CPED1: variants seen among roughly 807,000 people sequenced by gnomAD.
The protein encoded by CPED1 is cadherin-like and PC-esterase domain-containing protein 1.
Under a neutral mutation model 128.2 loss-of-function variants are expected in CPED1, and 114 were observed. The ratio of observed to expected loss-of-function variants is 0.89; its 90% CI spans 0.76 to 1.04. The LOEUF is 1.04. CPED1 is among the 50% of genes least tolerant of loss of function. The pLI, the probability that CPED1 is intolerant of heterozygous loss-of-function variation, is 0.00. For synonymous variants in CPED1, 462 were observed against 426.7 expected (o/e 1.08, Z -1.02); for missense variants, 1,211 against 1,207.1 (o/e 1.00, Z -0.05).
At chr7:121,140,014 A>G (rs768649198) in intron 14 of CPED1, among the ~76,000 whole-genome samples, 10 of 152,074 alleles carry the variant, frequency 6.6e-5, no homozygotes, top group Non-Finnish European at 1.5e-4. Context: ...CACTTTGTTA[A>G]GCTTTTGGGT....
At chr7:121,034,237 G>GTTT (rs750813721) in intron 3 of CPED1, among the ~76,000 whole-genome samples, 3 of 122,338 alleles carry the variant, frequency 2.5e-5, no homozygotes, top group Non-Finnish European at 5.0e-5. Flanking sequence ...CAGACATCAA[G>GTTT]TTTTTTTTTC....
intron 3 of CPED1, among the ~76,000 whole-genome samples, chr7:121,027,273 G>T (rs1461835134): frequency 2.4e-4 from 37 of 151,864 alleles, no homozygotes; most frequent in Admixed American, 2.4e-3. Context: ...GGTATGATTT[G>T]TGTCATACTT....
intron 22 of CPED1, among the ~76,000 whole-genome samples, chr7:121,274,451 G>C (rs1050266197): frequency 2.0e-5 from 3 of 152,016 alleles, no homozygotes; most frequent in African/African-American, 7.3e-5. Context: ...TCTGATGTAG[G>C]CTGTCTTGAT....
chr7:121,105,676 A>G (rs920557568), intron 7 of CPED1, among the ~76,000 whole-genome samples: 1 of 152,176 alleles, frequency 6.6e-6, no homozygotes, highest in African/African-American at 2.4e-5. Context: ...ATGTAATTGA[A>G]TAAACTTGTG....
chr7:121,050,680 G>A lies in CPED1; in HGVS notation c.540+3687G>A, dbSNP rs1246984858. 7.8e-6 allele frequency: 3 copies of A among 384,476 alleles called. No homozygotes were observed. In the Admixed American group the frequency reaches 9.0e-5, roughly 11 times the overall value. The allele number at this position is 384,476 out of a possible 1,614,324, so 23.8% of individuals were successfully genotyped here. A position where few individuals can be genotyped will look rare whatever the true frequency, so the allele number is the denominator to read the frequency against. On this transcript the variant is annotated intron_variant, in intron 4 of 22. Transcript: ENST00000310396. ...GGGTTTCACCATGTTGGCCAGGTTG[G>A]TCTTGAACTCCTGACCTCAGGTGAT...
intron 22 of CPED1, among the ~76,000 whole-genome samples, chr7:121,280,270 G>T (rs1243291168): frequency 6.6e-6 from 1 of 152,146 alleles, no homozygotes; most frequent in Non-Finnish European, 1.5e-5. Context: ...AGCCACTTGG[G>T]AAATTGAGTT....
At chr7:121,277,208 G>T (rs1329418824) in intron 22 of CPED1, among the ~76,000 whole-genome samples, 2 of 152,128 alleles carry the variant, frequency 1.3e-5, no homozygotes, top group Non-Finnish European at 2.9e-5. Context: ...TGATGGATTA[G>T]GGAGAGAAAC....
chr7:121,274,065 C>A (rs1792287105), intron 22 of CPED1, among the ~76,000 whole-genome samples: 1 of 152,120 alleles, frequency 6.6e-6, no homozygotes, highest in African/African-American at 2.4e-5. Context: ...GTCTTCAATT[C>A]ATATTTTTGC....
intron 5 of CPED1, among the ~76,000 whole-genome samples, chr7:121,082,730 A>G (rs1794323844): frequency 6.6e-6 from 1 of 152,186 alleles, no homozygotes; most frequent in African/African-American, 2.4e-5. Context: ...ACACAGCTGT[A>G]AAGCAGCATA....
chr7:121,190,089 T>TG (rs1797100822), intron 16 of CPED1, among the ~76,000 whole-genome samples: 1 of 151,632 alleles, frequency 6.6e-6, no homozygotes, highest in Non-Finnish European at 1.5e-5. Flanking sequence ...TAATGATAAG[T>TG]GCTCTGAAGA....
At chr7:121,192,177 T>C (rs1055787590) in intron 16 of CPED1, among the ~76,000 whole-genome samples, 1 of 152,126 alleles carries the variant, frequency 6.6e-6, no homozygotes, top group Admixed American at 6.6e-5. Context: ...GGTCATCTTA[T>C]TCTTTCACCA....
At position 121,125,326 on chromosome 7, in the gene CPED1, A is replaced by G. The variant is rs143054522; in HGVS notation, c.1062-494A>G. On this transcript the variant is annotated intron_variant, in intron 8 of 22. Coordinates refer to ENST00000310396, the MANE Select transcript of CPED1 (RefSeq NM_024913.5). ...TTATTATTTTACTTTAAGTTCTGGG[A>G]TATATGTGCAGAATGTACAGGTTTG... Among the ~76,000 whole-genome samples, 18 of 152,262 alleles carry G rather than the reference A, an allele frequency of 1.2e-4. No homozygotes were observed. In the East Asian group the frequency reaches 3.5e-3, roughly 29 times the overall value.
At position 121,144,242 on chromosome 7, in the gene CPED1, G is replaced by A. The variant is rs372838404; in HGVS notation, c.2055+2101G>A. On this transcript the variant is annotated intron_variant, in intron 16 of 22. Transcript: ENST00000310396. The stretch of plus-strand genomic sequence containing the variant: ...ATTGAAAAGCTATCTGCATTCCCAT[G>A]TTTGTTGCAGCATTATTCACAATAG... 7.2e-4 allele frequency among the ~76,000 whole-genome samples: 109 copies of A among 152,158 alleles called. No individual in the cohort carries two copies. The Middle Eastern group carries it at 0.014, about 19-fold the overall frequency.
chr7:121,248,111 G>A (rs941444711), intron 18 of CPED1, among the ~76,000 whole-genome samples: 6 of 152,144 alleles, frequency 3.9e-5, no homozygotes, highest in Non-Finnish European at 8.8e-5. Context: ...GCTGATCCTG[G>A]TGCCCAAGGC....
intron 22 of CPED1, among the ~76,000 whole-genome samples, chr7:121,280,760 G>C (rs1186215516): frequency 6.6e-6 from 1 of 152,112 alleles, no homozygotes; most frequent in Non-Finnish European, 1.5e-5. Flanking sequence ...TGAGTTATAA[G>C]GACTAACTTC....
intron 16 of CPED1, among the ~76,000 whole-genome samples, chr7:121,200,815 C>T (rs1797378236): frequency 6.6e-6 from 1 of 151,980 alleles, no homozygotes; most frequent in African/African-American, 2.4e-5. Context: ...AGAAGAGAAA[C>T]AAATCACACC....
intron 3 of CPED1, among the ~76,000 whole-genome samples, chr7:121,041,284 T>C (rs939483350): frequency 1.3e-5 from 2 of 152,112 alleles, no homozygotes; most frequent in African/African-American, 4.8e-5. Flanking sequence ...GTCACTATTG[T>C]AGGTACTGAG....
chr7:120,996,347 T>C (rs571233820), intron 2 of CPED1, among the ~76,000 whole-genome samples: 1 of 152,306 alleles, frequency 6.6e-6, no homozygotes, highest in African/African-American at 2.4e-5. Context: ...ACCCCACATA[T>C]TATAAAATTT....
intron 2 of CPED1, among the ~76,000 whole-genome samples, chr7:120,995,729 T>C (rs1417171704): frequency 2.6e-5 from 4 of 152,172 alleles, no homozygotes; most frequent in Non-Finnish European, 2.9e-5. Flanking sequence ...CCTTTGATAT[T>C]TCTTGCTTCT....
Sources: allele counts gnomAD v4.1 joint callset (sites outside exome capture counted in the v4.1 genomes callset), GRCh38; gene constraint gnomAD v4.1.1; transcripts MANE v1.5; gene names NCBI Gene and HGNC (gene_info 2026-07-23, HGNC 2026-07-21).